TIAM1: variants seen among roughly 807,000 people sequenced by gnomAD.
TIAM1 encodes the protein TIAM Rac1 associated GEF 1.
TIAM1 carries 65 observed loss-of-function variants against 163.5 expected under a neutral mutation model. The ratio of observed to expected loss-of-function variants is 0.40; its 90% confidence interval spans 0.33 to 0.49. The LOEUF (loss-of-function observed/expected upper bound fraction) is 0.49. Ranked by LOEUF, TIAM1 falls within the 20% of genes least tolerant of loss-of-function variation. The probability of loss-of-function intolerance (pLI) is 0.77; values close to 1 mark genes in which losing one functional copy is unlikely to be tolerated. For synonymous variants in TIAM1, 833 were observed against 810.1 expected (o/e 1.03, Z -0.48); for missense variants, 1,789 against 2,044.7 (o/e 0.87, Z 2.41).
chr21:31,529,179 A>G (rs1038079324), intron 1 of TIAM1, among the ~76,000 whole-genome samples: 1 of 151,954 alleles, frequency 6.6e-6, no homozygotes, highest in African/African-American at 2.4e-5. Flanking sequence ...TCGGCCTCCC[A>G]AAGTGCTGGG....
intron 1 of TIAM1, among the ~76,000 whole-genome samples, chr21:31,546,015 A>T (rs2048474292): frequency 6.6e-6 from 1 of 152,174 alleles, no homozygotes; most frequent in Non-Finnish European, 1.5e-5. Context: ...AGAAAATCAT[A>T]CAGAAGAAAA....
intron 2 of TIAM1, among the ~76,000 whole-genome samples, chr21:31,421,824 T>C (rs2043585904): frequency 6.6e-6 from 1 of 151,736 alleles, no homozygotes; most frequent in African/African-American, 2.4e-5. Flanking sequence ...ACCCTATCTC[T>C]ACAAAAGAAA....
intron 2 of TIAM1, among the ~76,000 whole-genome samples, chr21:31,374,900 G>C (rs1273426564): frequency 2.6e-5 from 4 of 152,172 alleles, no homozygotes; most frequent in African/African-American, 9.7e-5. Flanking sequence ...TTTAAAAAAA[G>C]ATTAAATTTC....
At chr21:31,191,156 C>T (rs555718486) in intron 13 of TIAM1, among the ~76,000 whole-genome samples, 243 of 151,938 alleles carry the variant, frequency 1.6e-3, no homozygotes, top group African/African-American at 5.5e-3. Flanking sequence ...GAGTGGCAGG[C>T]TTTTCTTTTC....
At chr21:31,224,999 T>C (rs118032177) in intron 7 of TIAM1, among the ~76,000 whole-genome samples, 3,791 of 152,140 alleles carry the variant, frequency 0.025, 71 homozygotes, top group South Asian at 0.064. Context: ...TCTAGATAGA[T>C]AGATAGATAT....
intron 14 of TIAM1, 44 bp from the exon 15 acceptor site, chr21:31,182,689 C>T: frequency 6.4e-7 from 1 of 1,566,804 alleles, no homozygotes; most frequent in East Asian, 2.2e-5. Flanking sequence ...CACACATTAT[C>T]AGAACACAAC....
chr21:31,555,883 G>A (rs554086122), intron 1 of TIAM1, among the ~76,000 whole-genome samples: 20 of 152,242 alleles, frequency 1.3e-4, no homozygotes, highest in South Asian at 2.1e-4. Flanking sequence ...GTTTCAGTCG[G>A]CACACTAGAA....
At chr21:31,146,612 G>A (rs1217246793) in intron 20 of TIAM1, among the ~76,000 whole-genome samples, 4 of 151,130 alleles carry the variant, frequency 2.6e-5, no homozygotes, top group African/African-American at 9.8e-5. Flanking sequence ...TCGGGAGGCT[G>A]AGGCAGGAGA....
At chr21:31,318,143 G>A (rs1297031529) in intron 2 of TIAM1, among the ~76,000 whole-genome samples, 3 of 152,168 alleles carry the variant, frequency 2.0e-5, no homozygotes, top group African/African-American at 4.8e-5. Context: ...TGTCACCCAG[G>A]TGGGAATGCA....
chr21:31,394,728 T>TCTCTCACACA (rs1279053911), intron 2 of TIAM1, among the ~76,000 whole-genome samples: 183 of 95,704 alleles, frequency 1.9e-3, no homozygotes, highest in African/African-American at 2.3e-3. Flanking sequence ...TCTCTCTCTC[T>TCTCTCACACA]CACACACACA....
intron 2 of TIAM1, among the ~76,000 whole-genome samples, chr21:31,447,792 C>T (rs1305378373): frequency 1.3e-5 from 2 of 152,076 alleles, no homozygotes; most frequent in African/African-American, 4.8e-5. Context: ...CACATATATG[C>T]ACAACACACA....
chr21:31,257,150 A>C (rs1421870134), intron 4 of TIAM1, among the ~76,000 whole-genome samples: 5 of 152,262 alleles, frequency 3.3e-5, no homozygotes, highest in African/African-American at 7.2e-5. Flanking sequence ...ACTGGTCACT[A>C]TTATGAAATA....
chr21:31,165,296 T>C (rs981413412), intron 15 of TIAM1, among the ~76,000 whole-genome samples: 13 of 152,232 alleles, frequency 8.5e-5, no homozygotes, highest in African/African-American at 3.1e-4. Flanking sequence ...TTGTTGTGGA[T>C]TGAATGTCTT....
chr21:31,551,963 G>A (rs192585207), intron 1 of TIAM1, among the ~76,000 whole-genome samples: 5 of 151,984 alleles, frequency 3.3e-5, no homozygotes, highest in Admixed American at 3.3e-4. Context: ...ACAGGACCGG[G>A]GCAGAAGACT....
chr21:31,439,909 T>C (rs1324665903), intron 2 of TIAM1, among the ~76,000 whole-genome samples: 4 of 152,182 alleles, frequency 2.6e-5, no homozygotes, highest in Admixed American at 2.0e-4. Context: ...TAACAGCTAG[T>C]GTAGAACAAA....
At chr21:31,499,457 CTT>C in intron 1 of TIAM1, among the ~76,000 whole-genome samples, 1 of 152,142 alleles carries the variant, frequency 6.6e-6, no homozygotes. Context: ...ATGAGGATCA[CTT>C]GAGACCAGGA....
At chr21:31,330,945 G>A (rs138153814) in intron 2 of TIAM1, among the ~76,000 whole-genome samples, 19 of 151,428 alleles carry the variant, frequency 1.3e-4, no homozygotes, top group East Asian at 9.7e-4. Flanking sequence ...TTATAAACTC[G>A]GAAAGGTAAA....
At chr21:31,387,278 A>G (rs188885551) in intron 2 of TIAM1, among the ~76,000 whole-genome samples, 12 of 135,532 alleles carry the variant, frequency 8.9e-5, no homozygotes, top group Non-Finnish European at 1.5e-4. Flanking sequence ...GCTGGAGTGC[A>G]GTGGTGCCAT....
intron 1 of TIAM1, among the ~76,000 whole-genome samples, chr21:31,491,947 A>G (rs1272111223): frequency 1.3e-5 from 2 of 152,206 alleles, no homozygotes; most frequent in Admixed American, 1.3e-4. Flanking sequence ...ACACCATCTG[A>G]CTGGATAGAA....
Sources: allele counts gnomAD v4.1 joint callset (sites outside exome capture counted in the v4.1 genomes callset), GRCh38; gene constraint gnomAD v4.1.1; transcripts MANE v1.5; gene names NCBI Gene and HGNC (gene_info 2026-07-23, HGNC 2026-07-21).